The following CASR variants were observed in gnomAD, a reference collection of about 807,000 sequenced individuals.
The protein encoded by CASR is calcium sensing receptor.
Under a neutral mutation model 69.1 loss-of-function variants are expected in CASR, and 23 were observed. The observed-to-expected ratio is 0.33, with a 90% CI of 0.24 to 0.47. CASR has a LOEUF of 0.47. CASR is among the 20% of genes least tolerant of loss of function. The probability of loss-of-function intolerance (pLI) is 1.00; values close to 1 mark genes in which losing one functional copy is unlikely to be tolerated. For synonymous variants in CASR, 541 were observed against 544.7 expected, an observed-to-expected ratio of 0.99 and a Z score of 0.10; for missense variants, 924 against 1,356.1, an observed-to-expected ratio of 0.68 and a Z score of 5.00.
Position 122,269,147 on chromosome 3 carries a change from G to A in CASR, c.1378-6665G>A, listed in dbSNP as rs534201875. Among the ~76,000 whole-genome samples, 3 of 152,188 alleles carry A rather than the reference G, an allele frequency of 2.0e-5. No individual in the cohort carries two copies. The East Asian group carries it at 5.8e-4, about 29-fold the overall frequency. On this transcript the variant is annotated intron_variant, in intron 4 of 6. Transcript: ENST00000639785. ...AAGCAACTTTAAAAAAATTATTTTG[G>A]CCTTTTTATTTGTTTGCTTGTTTTT... is the stretch of plus-strand genomic sequence containing the variant.
intron 1 of CASR, among the ~76,000 whole-genome samples, chr3:122,219,730 G>C (rs2074152991): frequency 6.6e-6 from 1 of 152,224 alleles, no homozygotes; most frequent in Admixed American, 6.5e-5. Flanking sequence ...GACACCATTG[G>C]ATGAGACATT....
chr3:122,186,861 G>A (rs1378243026), intron 1 of CASR, among the ~76,000 whole-genome samples: 1 of 152,182 alleles, frequency 6.6e-6, no homozygotes, highest in Admixed American at 6.5e-5. Flanking sequence ...AAGACTAACT[G>A]CCATGTGACA....
At chr3:122,213,609 C>T (rs1382717079) in intron 1 of CASR, among the ~76,000 whole-genome samples, 6 of 152,156 alleles carry the variant, frequency 3.9e-5, no homozygotes, top group Admixed American at 3.3e-4. Flanking sequence ...GAGTATGATA[C>T]GTCTCTTGGT....
At chr3:122,198,355 G>T (rs1449034972) in intron 1 of CASR, among the ~76,000 whole-genome samples, 1 of 152,130 alleles carries the variant, frequency 6.6e-6, no homozygotes. Flanking sequence ...TACACAATTG[G>T]CTATGTGAAT....
intron 1 of CASR, among the ~76,000 whole-genome samples, chr3:122,204,052 A>G (rs2073983099): frequency 6.6e-6 from 1 of 152,186 alleles, no homozygotes; most frequent in Non-Finnish European, 1.5e-5. Flanking sequence ...AAATCAGTGT[A>G]CTTGGGATAT....
At position 122,287,617 on chromosome 3, in the gene CASR, C is replaced by T. The variant is rs2074981121; in HGVS notation, c.*2426C>T. 6.6e-6 allele frequency: 1 copy of T among 152,308 alleles called. No homozygotes were observed. The allele number at this position is 152,308 out of a possible 1,614,324, so 9.4% of individuals were successfully genotyped here. On this transcript the variant is annotated 3_prime_UTR_variant, in exon 7 of 7. Coordinates refer to ENST00000639785, the MANE Select transcript of CASR (RefSeq NM_000388.4). ...CTTTTGTAATGTTGGGGTGGGCCTC[C>T]TCAGTCATCAGCAGCTCCCTCATGA... is the stretch of plus-strand genomic sequence containing the variant.
chr3:122,203,803 G>A (rs1218426609), intron 1 of CASR, among the ~76,000 whole-genome samples: 1 of 152,198 alleles, frequency 6.6e-6, no homozygotes, highest in Admixed American at 6.5e-5. Flanking sequence ...CTATGTGATA[G>A]GAATTTTTTA....
intron 1 of CASR, among the ~76,000 whole-genome samples, chr3:122,239,941 G>A (rs1390597087): frequency 6.6e-6 from 1 of 152,194 alleles, no homozygotes; most frequent in Admixed American, 6.5e-5. Context: ...TAAAAAACAG[G>A]TAGAGAAATA....
Position 122,283,724 on chromosome 3 carries a change from G to C in CASR, c.1770G>C (p.Trp590Cys). ...GTAACAAGTGCCCAGATGACTTCTGGTCCAATGAGAACCACACCTCCTGCA... is the reference window on the plus strand; with the variant it reads ...GTAACAAGTGCCCAGATGACTTCTGCTCCAATGAGAACCACACCTCCTGCA... ...SACNKCPDDFWSNENHTSCIA... is the reference protein window; with the variant it reads ...SACNKCPDDFCSNENHTSCIA... The change falls in exon 7 of 7, where the codon TGG becomes TGC. Residue 590 changes from tryptophan to cysteine, a missense_variant. By Grantham distance (215) the Trp-to-Cys change is radical (BLOSUM62 -2). Transcript: ENST00000639785. 1 of 1,614,102 alleles carries C rather than the reference G, an allele frequency of 6.2e-7. No individual in the cohort carries two copies. The highest frequency in any genetic ancestry group is 8.5e-7 in the Non-Finnish European group (1 of 1,180,020).
chr3:122,233,099 C>T (rs1211086933), intron 1 of CASR, among the ~76,000 whole-genome samples: 1 of 152,194 alleles, frequency 6.6e-6, no homozygotes, highest in Non-Finnish European at 1.5e-5. Flanking sequence ...GTCTTCCTCC[C>T]TTCTAGACAA....
intron 1 of CASR, among the ~76,000 whole-genome samples, chr3:122,229,130 A>G (rs1014924896): frequency 9.2e-5 from 14 of 152,342 alleles, no homozygotes; most frequent in African/African-American, 3.4e-4. Context: ...TAATCCCACA[A>G]CATGAATACT....
chr3:122,233,854 A>C (rs942178561), intron 1 of CASR, among the ~76,000 whole-genome samples: 2 of 152,162 alleles, frequency 1.3e-5, no homozygotes, highest in African/African-American at 4.8e-5. Context: ...TGGACTTCCC[A>C]CCCTTAGCTA....
intron 1 of CASR, among the ~76,000 whole-genome samples, chr3:122,231,597 T>C (rs2074278707): frequency 6.6e-6 from 1 of 152,214 alleles, no homozygotes. Flanking sequence ...CCATTCTTTC[T>C]CTATCTCTCT....
At chr3:122,196,531 G>GT (rs1553760857) in intron 1 of CASR, among the ~76,000 whole-genome samples, 1 of 150,890 alleles carries the variant, frequency 6.6e-6, no homozygotes, top group African/African-American at 2.4e-5. Context: ...TTGTTTGTTT[G>GT]TTTGTTTTGT....
intron 1 of CASR, among the ~76,000 whole-genome samples, chr3:122,252,429 GAAAGAAAGAAAGAAAGAAAA>G (rs2074503465): frequency 2.7e-5 from 2 of 74,106 alleles, no homozygotes; most frequent in Non-Finnish European, 5.3e-5. Flanking sequence ...AAGAAAGAAA[GAAAGAAAGAAAGAAAGAAAA>G]AAAAGAAAAG....
chr3:122,195,507 C>T (rs532735210), intron 1 of CASR, among the ~76,000 whole-genome samples: 9 of 152,220 alleles, frequency 5.9e-5, no homozygotes, highest in African/African-American at 9.6e-5. Context: ...TCATTCCATG[C>T]GCTATTCTTG....
rs1242045799 is a variant in CASR at position 122,288,657 on chromosome 3, C to T, written c.*3466C>T. 1 of 152,086 alleles carries T rather than the reference C, an allele frequency of 6.6e-6. No homozygotes were observed. Among genetic ancestry groups the T allele is most frequent in the East Asian group, 1.9e-4 (1 of 5,180 alleles). The allele number at this position is 152,086 out of a possible 1,614,324, so 9.4% of individuals were successfully genotyped here. A position where few individuals can be genotyped will look rare whatever the true frequency, so the allele number is the denominator to read the frequency against. On this transcript the variant is annotated 3_prime_UTR_variant, in exon 7 of 7. Transcript: ENST00000639785. ...TTGCTGGCTTTGGTTATAGAAAATA[C>T]ACAGCCGTGTTGTCTCATTCTATTA...
intron 4 of CASR, among the ~76,000 whole-genome samples, chr3:122,263,981 A>G (rs938131428): frequency 1.3e-5 from 2 of 152,168 alleles, no homozygotes; most frequent in African/African-American, 4.8e-5. Flanking sequence ...AAAAACTGCA[A>G]GACAAGAGTA....
rs527725171 is a variant in CASR at position 122,203,218 on chromosome 3, C to T, written c.-243+19406C>T. Among the ~76,000 whole-genome samples the T allele has an allele frequency of 3.2e-4, 49 of 152,232 alleles. No individual in the cohort carries two copies. The South Asian group carries it at 6.4e-3, about 20-fold the overall frequency. On this transcript the variant is annotated intron_variant, in intron 1 of 6. Transcript: ENST00000639785. The stretch of plus-strand genomic sequence containing the variant: ...CTATTGAGATTTTTTATTAGAACTG[C>T]GGTGAATTTGGACAGAGCTGACATT...
Sources: gnomAD v4.1 joint callset for allele counts (sites outside exome capture counted in the v4.1 genomes callset) on GRCh38, gnomAD v4.1.1 for gene constraint, MANE v1.5 for transcripts, NCBI Gene and HGNC (gene_info 2026-07-23, HGNC 2026-07-21) for gene names.